Variants in NRXN1 observed in about 807,000 individuals in gnomAD.
The protein encoded by NRXN1 is neurexin-1.
Under a neutral mutation model 150.9 loss-of-function variants are expected in NRXN1, and 39 were observed. The observed-to-expected ratio is 0.26, with a 90% CI of 0.20 to 0.34. The LOEUF (loss-of-function observed/expected upper bound fraction) is 0.34, where lower values mean the gene tolerates loss of function less well. Among genes scored for constraint, NRXN1 ranks in the 10% least tolerant of loss-of-function variants. The pLI is 1.00. For synonymous variants in NRXN1, 924 were observed against 757.0 expected, an observed-to-expected ratio of 1.22 and a Z score of -3.62; for missense variants, 1,815 against 1,949.9, an observed-to-expected ratio of 0.93 and a Z score of 1.30.
chr2:50,355,311 G>T (rs966272105), intron 17 of NRXN1, among the ~76,000 whole-genome samples: 3 of 148,680 alleles, frequency 2.0e-5, no homozygotes, highest in African/African-American at 7.4e-5. Context: ...TATTTGTTAG[G>T]TTACACATTT....
intron 17 of NRXN1, among the ~76,000 whole-genome samples, chr2:50,325,180 G>A (rs1386520723): frequency 2.0e-5 from 3 of 152,174 alleles, no homozygotes; most frequent in Non-Finnish European, 4.4e-5. Context: ...CAATCAGAAT[G>A]GATGAAAACA....
chr2:50,449,596 C>A (rs1052662099), intron 17 of NRXN1, among the ~76,000 whole-genome samples: 1 of 152,162 alleles, frequency 6.6e-6, no homozygotes. Context: ...GCTGCTGATG[C>A]TCCTGGTCCT....
At chr2:50,906,631 T>G (rs1057187559) in intron 5 of NRXN1, among the ~76,000 whole-genome samples, 11 of 152,098 alleles carry the variant, frequency 7.2e-5, no homozygotes, top group African/African-American at 2.4e-4. Context: ...GTTCCTTAAG[T>G]CTTTCCATCA....
chr2:50,918,028 G>T (rs984224021), intron 5 of NRXN1: 2 of 151,632 alleles, frequency 1.3e-5, no homozygotes, highest in African/African-American at 4.8e-5. Flanking sequence ...AGGTGGAAGA[G>T]TTGTATCCAG....
At chr2:49,982,002 A>T (rs1237269733) in intron 21 of NRXN1, among the ~76,000 whole-genome samples, 1 of 152,116 alleles carries the variant, frequency 6.6e-6, no homozygotes, top group African/African-American at 2.4e-5. Context: ...CATGTACTCC[A>T]GGTGATCCTG....
intron 18 of NRXN1, among the ~76,000 whole-genome samples, chr2:50,151,916 A>T (rs2058721152): frequency 1.3e-5 from 2 of 151,834 alleles, no homozygotes; most frequent in African/African-American, 4.8e-5. Flanking sequence ...TACAGATTTT[A>T]AGCAGCTAGA....
At chr2:50,434,317 C>T (rs1159345011) in intron 17 of NRXN1, among the ~76,000 whole-genome samples, 1 of 151,916 alleles carries the variant, frequency 6.6e-6, no homozygotes, top group Non-Finnish European at 1.5e-5. Context: ...CTCCTGACCT[C>T]GTGATCCGCC....
intron 19 of NRXN1, among the ~76,000 whole-genome samples, chr2:50,067,475 C>T (rs571413853): frequency 9.2e-5 from 14 of 152,294 alleles, no homozygotes; most frequent in African/African-American, 3.1e-4. Flanking sequence ...CCTTTAAATG[C>T]TGTTTGTTTC....
At chr2:50,480,208 C>A (rs10170613) in intron 15 of NRXN1, among the ~76,000 whole-genome samples, 5,139 of 152,210 alleles carry the variant, frequency 0.034, 285 homozygotes, top group African/African-American at 0.11. Context: ...CTGACACATA[C>A]TGAATTTATT....
chr2:50,453,655 G>C (rs1295830194), intron 17 of NRXN1, among the ~76,000 whole-genome samples: 2 of 152,066 alleles, frequency 1.3e-5, no homozygotes, highest in East Asian at 3.9e-4. Context: ...AATACGGAAA[G>C]AAAAATCACC....
rs748544183 is a variant in NRXN1, at chr2:50,531,282, A to G, written c.2292T>C (p.Ala764=). The G allele has an allele frequency of 1.2e-6, 2 of 1,613,628 alleles. No individual in the cohort carries two copies. Among genetic ancestry groups the G allele is most frequent in the Admixed American group, 3.3e-5 (2 of 59,972 alleles). The change falls in exon 11 of 23, where the codon GCT becomes GCC. Residue 764 remains alanine (A), a synonymous_variant. Coordinates refer to ENST00000401669, the MANE Select transcript of NRXN1 (RefSeq NM_001330078.2). ...CGTCTAGCTCCAGGCGGAGGGTGTC[A>G]GCAGAGTCTCTAGAAGTGGTTGCCA... The part of the protein sequence containing the change: ...ILMATTSRDS[A]DTLRLELDAG...
intron 17 of NRXN1, among the ~76,000 whole-genome samples, chr2:50,362,986 G>GTCC (rs1280469566): frequency 1.7e-4 from 26 of 152,204 alleles, no homozygotes; most frequent in African/African-American, 5.5e-4. Context: ...AACAAGCAAT[G>GTCC]GGGAAAGGAT....
intron 10 of NRXN1, among the ~76,000 whole-genome samples, chr2:50,535,091 A>C (rs2093221292): frequency 6.6e-6 from 1 of 152,246 alleles, no homozygotes; most frequent in African/African-American, 2.4e-5. Context: ...CCTCACAATT[A>C]GAGTTAATGT....
chr2:50,245,071 C>G (rs1196284700), intron 17 of NRXN1, among the ~76,000 whole-genome samples: 3 of 151,916 alleles, frequency 2.0e-5, no homozygotes, highest in South Asian at 2.1e-4. Flanking sequence ...TTAGTGGTAT[C>G]TTTGCAATAT....
In NRXN1 at chr2:50,278,141, T is replaced by C. The variant is rs148882348; in HGVS notation, c.3365-41171A>G. 3.4e-4 allele frequency among the ~76,000 whole-genome samples: 46 copies of C among 136,208 alleles called. No homozygotes were observed. The East Asian group carries it at 8.3e-3, about 25-fold the overall frequency. The allele number at this position is 136,208 out of a possible 152,430, so 89.4% of individuals were successfully genotyped here. A position where few individuals can be genotyped will look rare whatever the true frequency, so the allele number is the denominator to read the frequency against. ...TGGAGGGCAGTGGCAGGATCTTGGCTCACCACCTGCCAGGTTTAAGTGATC... is the reference window on the plus strand; with the variant it reads ...TGGAGGGCAGTGGCAGGATCTTGGCCCACCACCTGCCAGGTTTAAGTGATC... On this transcript the variant is annotated intron_variant, in intron 17 of 22. Coordinates refer to ENST00000401669, the MANE Select transcript of NRXN1 (RefSeq NM_001330078.2).
intron 18 of NRXN1, among the ~76,000 whole-genome samples, chr2:50,147,846 T>G (rs1300716499): frequency 6.6e-6 from 1 of 151,762 alleles, no homozygotes; most frequent in Non-Finnish European, 1.5e-5. Flanking sequence ...TTTAAAGTAC[T>G]GAAAGTTTTC....
rs1670679007 is a variant in NRXN1, at chr2:51,027,404, T to A, written c.772+98A>T. ...TTCCCTCGAAGCGAACTGCCACACG[T>A]TTGCCAAGATTAGGAAGACCCCATG... is the stretch of plus-strand genomic sequence containing the variant. On this transcript the variant is annotated intron_variant, in intron 2 of 22. Coordinates refer to ENST00000401669, the MANE Select transcript of NRXN1 (RefSeq NM_001330078.2). 6.3e-6 allele frequency: 8 copies of A among 1,276,190 alleles called. No individual in the cohort carries two copies. In the South Asian group the frequency reaches 1.2e-4, roughly 19 times the overall value. 79.1% of individuals were successfully genotyped at this position (1,276,190 alleles called of 1,614,324 possible). A position where few individuals can be genotyped will look rare whatever the true frequency, so the allele number is the denominator to read the frequency against.
chr2:50,962,759 A>C (rs1693415436), intron 2 of NRXN1, among the ~76,000 whole-genome samples: 1 of 151,692 alleles, frequency 6.6e-6, no homozygotes, highest in Admixed American at 6.6e-5. Flanking sequence ...CAAGAAATCA[A>C]GTTGACCAGT....
intron 19 of NRXN1, among the ~76,000 whole-genome samples, chr2:50,089,608 G>A (rs983006992): frequency 2.6e-5 from 4 of 151,880 alleles, no homozygotes; most frequent in South Asian, 4.1e-4. Flanking sequence ...GCAACATAGC[G>A]AGACCCCCAT....
Sources: gnomAD v4.1 joint callset for allele counts (sites outside exome capture counted in the v4.1 genomes callset) on GRCh38, gnomAD v4.1.1 for gene constraint, MANE v1.5 for transcripts, NCBI Gene and HGNC (gene_info 2026-07-23, HGNC 2026-07-21) for gene names.